CDH12: variants seen among roughly 807,000 people sequenced by gnomAD.
CDH12 encodes the protein cadherin 12.
A neutral mutation model predicts 74.1 loss-of-function variants in CDH12; 41 were observed. The ratio of observed to expected loss-of-function variants is 0.55; its 90% CI spans 0.43 to 0.72. The LOEUF is 0.72. Ranked by LOEUF, CDH12 falls within the 30% of genes least tolerant of loss-of-function variation. CDH12 has a pLI of 0.00. For synonymous variants in CDH12, 399 were observed against 355.0 expected (o/e 1.12, Z -1.39); for missense variants, 945 against 977.2 (o/e 0.97, Z 0.44).
intron 1 of CDH12, among the ~76,000 whole-genome samples, chr5:22,551,549 C>T (rs1429968443): frequency 6.6e-6 from 1 of 151,984 alleles, no homozygotes; most frequent in Non-Finnish European, 1.5e-5. Flanking sequence ...AAGGCCATGC[C>T]AAGTACAAGG....
At chr5:22,566,388 C>A (rs996005995) in intron 1 of CDH12, among the ~76,000 whole-genome samples, 6 of 152,000 alleles carry the variant, frequency 3.9e-5, no homozygotes, top group African/African-American at 9.7e-5. Context: ...CAGGCATGCA[C>A]CACCAAGCTC....
At chr5:22,553,193 C>G (rs1199850574) in intron 1 of CDH12, among the ~76,000 whole-genome samples, 1 of 152,142 alleles carries the variant, frequency 6.6e-6, no homozygotes, top group Non-Finnish European at 1.5e-5. Context: ...TTTTCTCCTG[C>G]AAATGCTATG....
At chr5:22,176,112 T>C (rs1428652478) in intron 4 of CDH12, among the ~76,000 whole-genome samples, 2 of 152,110 alleles carry the variant, frequency 1.3e-5, no homozygotes, top group African/African-American at 4.8e-5. Context: ...GTGTATACAT[T>C]ATCTTCAAAC....
At chr5:22,380,595 T>C (rs998039430) in intron 3 of CDH12, among the ~76,000 whole-genome samples, 1 of 152,126 alleles carries the variant, frequency 6.6e-6, no homozygotes, top group South Asian at 2.1e-4. Context: ...AGTAGGCATA[T>C]ATGTTAAAAA....
At chr5:22,435,453 C>T (rs1284555540) in intron 2 of CDH12, among the ~76,000 whole-genome samples, 2 of 150,840 alleles carry the variant, frequency 1.3e-5, no homozygotes, top group African/African-American at 4.9e-5. Flanking sequence ...TATATATACA[C>T]ACAAATGTGT....
chr5:22,453,345 A>G (rs1745129435), intron 2 of CDH12, among the ~76,000 whole-genome samples: 1 of 152,174 alleles, frequency 6.6e-6, no homozygotes, highest in Admixed American at 6.5e-5. Flanking sequence ...AGTGTTCACC[A>G]GTGGATAAAG....
chr5:22,727,362 C>G (rs1417655767), intron 1 of CDH12, among the ~76,000 whole-genome samples: 1 of 151,596 alleles, frequency 6.6e-6, no homozygotes, highest in Non-Finnish European at 1.5e-5. Flanking sequence ...CCTTTTTACT[C>G]CTTCTATCTT....
chr5:21,830,172 C>A (rs1384916783), intron 8 of CDH12, among the ~76,000 whole-genome samples: 5 of 113,206 alleles, frequency 4.4e-5, no homozygotes, highest in African/African-American at 1.8e-4. Flanking sequence ...ACACTCCAGA[C>A]TGGGTGACAA....
intron 1 of CDH12, among the ~76,000 whole-genome samples, chr5:22,811,220 G>C (rs1749133459): frequency 1.3e-5 from 2 of 151,974 alleles, no homozygotes; most frequent in South Asian, 4.1e-4. Flanking sequence ...GGAGAGAGGA[G>C]AGATCATCTG....
At chr5:22,832,510 G>A (rs1736662552) in intron 1 of CDH12, among the ~76,000 whole-genome samples, 1 of 152,084 alleles carries the variant, frequency 6.6e-6, no homozygotes, top group South Asian at 2.1e-4. Context: ...AATGTATGGG[G>A]TGAGATACGC....
chr5:22,173,379 T>C (rs897625469), intron 4 of CDH12, among the ~76,000 whole-genome samples: 1 of 143,704 alleles, frequency 7.0e-6, no homozygotes, highest in Non-Finnish European at 1.5e-5. Flanking sequence ...TACATACACT[T>C]TTATATAATA....
At chr5:22,389,937 C>T (rs1165789749) in intron 3 of CDH12, among the ~76,000 whole-genome samples, 1 of 151,764 alleles carries the variant, frequency 6.6e-6, no homozygotes, top group Admixed American at 6.6e-5. Context: ...CGTGAGCCAC[C>T]GTGCCTGGCC....
intron 1 of CDH12, among the ~76,000 whole-genome samples, chr5:22,845,876 G>A (rs567782036): frequency 6.6e-6 from 1 of 152,136 alleles, no homozygotes; most frequent in African/African-American, 2.4e-5. Flanking sequence ...TCGGGGAGAA[G>A]GGAGAGTATA....
chr5:22,342,864 G>C (rs1042957078), intron 3 of CDH12, among the ~76,000 whole-genome samples: 1 of 143,576 alleles, frequency 7.0e-6, no homozygotes, highest in African/African-American at 2.6e-5. Context: ...CTGTCTGTCT[G>C]TCTTGATGGA....
At chr5:22,842,062 C>T (rs1737102865) in intron 1 of CDH12, among the ~76,000 whole-genome samples, 1 of 152,034 alleles carries the variant, frequency 6.6e-6, no homozygotes, top group Non-Finnish European at 1.5e-5. Flanking sequence ...GGTGAAAAAC[C>T]TCAAACAGGT....
intron 1 of CDH12, among the ~76,000 whole-genome samples, chr5:22,799,070 T>A (rs1748375784): frequency 6.6e-6 from 1 of 152,078 alleles, no homozygotes; most frequent in African/African-American, 2.4e-5. Context: ...TGAGCAGAGA[T>A]CATGCTATTG....
intron 4 of CDH12, among the ~76,000 whole-genome samples, chr5:22,197,108 G>A (rs1750662290): frequency 6.6e-6 from 1 of 152,088 alleles, no homozygotes; most frequent in African/African-American, 2.4e-5. Context: ...GAAACTGTTT[G>A]TTGCATTTCT....
At chr5:22,772,491 T>G (rs1261603392) in intron 1 of CDH12, among the ~76,000 whole-genome samples, 1 of 152,062 alleles carries the variant, frequency 6.6e-6, no homozygotes. Context: ...AGAAAAGCTG[T>G]GGACTCACTC....
chr5:22,796,514 C>CTTTTTT (rs70959756), intron 1 of CDH12, among the ~76,000 whole-genome samples: 3 of 59,750 alleles, frequency 5.0e-5, no homozygotes, highest in Non-Finnish European at 8.1e-5. Context: ...GATTTTTTAT[C>CTTTTTT]TTTTTTTTTT....
Sources: allele counts gnomAD v4.1 joint callset (sites outside exome capture counted in the v4.1 genomes callset), GRCh38; gene constraint gnomAD v4.1.1; transcripts MANE v1.5; gene names NCBI Gene and HGNC (gene_info 2026-07-23, HGNC 2026-07-21).